Variants in KALRN observed in about 807,000 individuals in gnomAD.
The protein encoded by KALRN is kalirin.
In KALRN, 70 loss-of-function variants were observed where a neutral mutation model predicts 353.7. The observed-to-expected ratio is 0.20, with a 90% CI of 0.16 to 0.24. The LOEUF is 0.24. Ranked by LOEUF, KALRN falls within the 10% of genes least tolerant of loss-of-function variation. The probability of loss-of-function intolerance (pLI) is 1.00; values close to 1 mark genes in which losing one functional copy is unlikely to be tolerated. For missense variants in KALRN, 2,791 were observed against 3,756.7 expected, an observed-to-expected ratio of 0.74 and a Z score of 6.72; for synonymous variants, 1,391 against 1,434.8, an observed-to-expected ratio of 0.97 and a Z score of 0.69.
chr3:124,332,085 G>A (rs1286830643), intron 8 of KALRN, among the ~76,000 whole-genome samples: 1 of 152,120 alleles, frequency 6.6e-6, no homozygotes, highest in Non-Finnish European at 1.5e-5. Context: ...TTATGTATAA[G>A]CTACTTCCCC....
chr3:124,584,875 T>C (rs1465796831), intron 34 of KALRN: 2 of 1,605,858 alleles, frequency 1.2e-6, no homozygotes, highest in African/African-American at 1.3e-5. Context: ...GGTGGCTCTT[T>C]GCTAAGTGCT....
intron 37 of KALRN, among the ~76,000 whole-genome samples, chr3:124,641,622 G>C (rs1288936107): frequency 6.6e-6 from 1 of 152,146 alleles, no homozygotes; most frequent in Admixed American, 6.5e-5. Flanking sequence ...AATCCCAACA[G>C]AGTTATGATG....
chr3:124,561,829 A>G (rs1235540694), intron 33 of KALRN, among the ~76,000 whole-genome samples: 1 of 152,130 alleles, frequency 6.6e-6, no homozygotes, highest in Non-Finnish European at 1.5e-5. Flanking sequence ...CTCTGCCTCT[A>G]AGTGCAGCTG....
At chr3:124,604,713 G>A (rs142864809) in intron 34 of KALRN, among the ~76,000 whole-genome samples, 3 of 151,890 alleles carry the variant, frequency 2.0e-5, no homozygotes, top group Admixed American at 6.6e-5. Flanking sequence ...TAGAGACAGG[G>A]TCTCACTCTG....
intron 1 of KALRN, among the ~76,000 whole-genome samples, chr3:124,186,152 G>A (rs773892748): frequency 1.4e-4 from 21 of 152,200 alleles, no homozygotes; most frequent in East Asian, 3.8e-4. Flanking sequence ...GGGAAAGTTG[G>A]TAGAGAGAGG....
intron 33 of KALRN, among the ~76,000 whole-genome samples, chr3:124,523,903 G>A (rs1043297607): frequency 2.5e-4 from 38 of 152,300 alleles, no homozygotes; most frequent in African/African-American, 9.1e-4. Flanking sequence ...CAAGGCTTTA[G>A]AAGCTTAATT....
intron 34 of KALRN, among the ~76,000 whole-genome samples, chr3:124,590,397 C>T (rs989043983): frequency 6.6e-6 from 1 of 152,016 alleles, no homozygotes; most frequent in African/African-American, 2.4e-5. Context: ...ATAAATCCTA[C>T]CTTGGGAATA....
intron 17 of KALRN, 22 bp downstream of exon 17, chr3:124,434,547 C>A: frequency 1.9e-6 from 3 of 1,609,520 alleles, no homozygotes; most frequent in Non-Finnish European, 2.6e-6. Context: ...GACTGTGGGG[C>A]TTGTGGGGCT....
At chr3:124,583,540 C>T (rs777563193) in intron 34 of KALRN, among the ~76,000 whole-genome samples, 1 of 152,114 alleles carries the variant, frequency 6.6e-6, no homozygotes, top group Non-Finnish European at 1.5e-5. Context: ...AGTCTTGCAC[C>T]GTAAGTAAGA....
At chr3:124,509,199 C>T (rs558637211) in intron 33 of KALRN, among the ~76,000 whole-genome samples, 1 of 152,120 alleles carries the variant, frequency 6.6e-6, no homozygotes, top group Admixed American at 6.5e-5. Context: ...ACATATGAGG[C>T]ATCTCTTACA....
At chr3:124,466,052 G>A (rs2060312568) in intron 25 of KALRN, among the ~76,000 whole-genome samples, 1 of 151,776 alleles carries the variant, frequency 6.6e-6, no homozygotes, top group Admixed American at 6.6e-5. Flanking sequence ...GTGTGTGTGT[G>A]TGTGTGTGTG....
intron 34 of KALRN, among the ~76,000 whole-genome samples, chr3:124,623,532 G>A (rs562823107): frequency 2.6e-5 from 4 of 152,094 alleles, no homozygotes; most frequent in Non-Finnish European, 5.9e-5. Flanking sequence ...GAAGAACGTG[G>A]AGTCCAATAT....
At chr3:124,659,523 C>T (rs2084540453) in intron 43 of KALRN, 66 bp downstream of exon 43, 12 of 1,095,436 alleles carry the variant, frequency 1.1e-5, no homozygotes, top group East Asian at 2.4e-5. Context: ...AGGTTCTGAG[C>T]TAGGGGTAGA....
At chr3:124,426,313 G>A (rs181722493) in intron 15 of KALRN, among the ~76,000 whole-genome samples, 112 of 152,284 alleles carry the variant, frequency 7.4e-4, no homozygotes, top group African/African-American at 2.7e-3. Flanking sequence ...AATTTAGACA[G>A]TAGCTTGAGA....
At chr3:124,644,249 C>G (rs1403950971) in intron 37 of KALRN, among the ~76,000 whole-genome samples, 5 of 152,094 alleles carry the variant, frequency 3.3e-5, no homozygotes, top group Non-Finnish European at 7.4e-5. Context: ...CAATATTTTT[C>G]TTTCTGTATC....
At chr3:124,107,201 CAAAAT>C (rs2062391957) in intron 1 of KALRN, among the ~76,000 whole-genome samples, 1 of 152,124 alleles carries the variant, frequency 6.6e-6, no homozygotes, top group Non-Finnish European at 1.5e-5. Flanking sequence ...AAGCTTGTCT[CAAAAT>C]AAAGTACAGG....
intron 21 of KALRN, among the ~76,000 whole-genome samples, chr3:124,453,477 A>AGT (rs199852304): frequency 0.29 from 44,033 of 151,666 alleles, 6,694 homozygotes; most frequent in South Asian, 0.35. Flanking sequence ...TTGATCTCTC[A>AGT]TGGGAGGGGC....
intron 6 of KALRN, among the ~76,000 whole-genome samples, chr3:124,309,023 A>T (rs2077984861): frequency 6.6e-6 from 1 of 152,172 alleles, no homozygotes; most frequent in Non-Finnish European, 1.5e-5. Flanking sequence ...AAATAATTGC[A>T]AGCCAATAAA....
At chr3:124,582,931 C>T (rs942498923) in intron 34 of KALRN, among the ~76,000 whole-genome samples, 6 of 152,122 alleles carry the variant, frequency 3.9e-5, no homozygotes, top group Admixed American at 6.5e-5. Flanking sequence ...CACCAAGCAC[C>T]GCTCATTTAT....
Sources: allele counts gnomAD v4.1 joint callset (sites outside exome capture counted in the v4.1 genomes callset), GRCh38; gene constraint gnomAD v4.1.1; transcripts MANE v1.5; gene names NCBI Gene and HGNC (gene_info 2026-07-23, HGNC 2026-07-21).